Variants in DLC1 observed in about 807,000 individuals in gnomAD.
DLC1 encodes DLC1 Rho GTPase activating protein.
A neutral mutation model predicts 140.3 loss-of-function variants in DLC1; 54 were observed. The ratio of observed to expected loss-of-function variants is 0.38; its 90% CI spans 0.31 to 0.48. The LOEUF is 0.48. Among genes scored for constraint, DLC1 ranks in the 20% least tolerant of loss-of-function variants. The pLI, the probability that DLC1 is intolerant of heterozygous loss-of-function variation, is 0.96. For missense variants in DLC1, 2,536 were observed against 1,907.0 expected (o/e 1.33, Z -6.14); for synonymous variants, 986 against 728.1 (o/e 1.35, Z -5.70).
chr8:13,276,356 G>C, intron 5 of DLC1: 4 of 1,523,218 alleles, frequency 2.6e-6, no homozygotes, highest in Non-Finnish European at 3.5e-6. Flanking sequence ...TCCGGAGAGG[G>C]GCTCGCAGGG....
chr8:13,405,886 TTTC>T (rs1259169390), intron 2 of DLC1, among the ~76,000 whole-genome samples: 3 of 149,838 alleles, frequency 2.0e-5, no homozygotes, highest in Non-Finnish European at 4.5e-5. Context: ...TTTCTTTTCT[TTTC>T]TTTCTTTCTT....
rs529666198 is a variant in DLC1 at position 13,538,080 on chromosome 8, T to A, written c.-125-37884A>T. Among the ~76,000 whole-genome samples the A allele has an allele frequency of 3.3e-5, 5 of 152,276 alleles. No individual in the cohort carries two copies. In the South Asian group the frequency reaches 1.0e-3, roughly 32 times the overall value. On this transcript the variant is annotated intron_variant, in intron 1 of 1. Transcript: ENST00000631382. Reference sequence around the variant, plus strand: ...TAATAAAAATAATTACTAATGCATATTTACTTTGTGTTGAAACTTCACAGC... The same window carrying A: ...TAATAAAAATAATTACTAATGCATAATTACTTTGTGTTGAAACTTCACAGC...
At chr8:13,355,139 T>C (rs1781392915) in intron 4 of DLC1, among the ~76,000 whole-genome samples, 1 of 151,656 alleles carries the variant, frequency 6.6e-6, no homozygotes, top group African/African-American at 2.4e-5. Context: ...TCAAATAGTC[T>C]AAATATTACG....
intron 5 of DLC1, among the ~76,000 whole-genome samples, chr8:13,241,059 A>G (rs1389482281): frequency 1.3e-5 from 2 of 152,218 alleles, no homozygotes; most frequent in Admixed American, 6.5e-5. Context: ...GAAGGGGAGC[A>G]GCTGAGCTTT....
intron 3 of DLC1, among the ~76,000 whole-genome samples, chr8:13,400,598 A>T (rs981730936): frequency 6.6e-6 from 1 of 152,214 alleles, no homozygotes; most frequent in Non-Finnish European, 1.5e-5. Flanking sequence ...AAGAATTTGT[A>T]TCAAATAATT....
chr8:13,456,309 G>C (rs1046588641), intron 2 of DLC1, among the ~76,000 whole-genome samples: 1 of 152,004 alleles, frequency 6.6e-6, no homozygotes, highest in Non-Finnish European at 1.5e-5. Flanking sequence ...ACAGAGTGTT[G>C]GATACCAGCC....
At chr8:13,093,880 G>A (rs1818286885) in intron 12 of DLC1, among the ~76,000 whole-genome samples, 1 of 152,194 alleles carries the variant, frequency 6.6e-6, no homozygotes, top group African/African-American at 2.4e-5. Context: ...GGCTGTAAAA[G>A]CCATAATCCT....
intron 1 of DLC1, among the ~76,000 whole-genome samples, chr8:13,559,668 T>C (rs1389823770): frequency 6.6e-6 from 1 of 152,210 alleles, no homozygotes; most frequent in Non-Finnish European, 1.5e-5. Context: ...AATAATTCTA[T>C]GTAGTAGTTT....
At chr8:13,291,066 C>T (rs184251645) in intron 5 of DLC1, among the ~76,000 whole-genome samples, 2 of 152,286 alleles carry the variant, frequency 1.3e-5, no homozygotes, top group Non-Finnish European at 2.9e-5. Context: ...TGCCACCACG[C>T]CTGGCTAATT....
intron 2 of DLC1, among the ~76,000 whole-genome samples, chr8:13,449,401 G>A (rs1488698273): frequency 6.6e-6 from 1 of 152,280 alleles, no homozygotes; most frequent in East Asian, 1.9e-4. Context: ...CTTTCAAAGA[G>A]GAGATTGTGT....
At chr8:13,558,918 T>C (rs146453378) in intron 1 of DLC1, 8 of 152,316 alleles carry the variant, frequency 5.3e-5, no homozygotes, top group African/African-American at 1.9e-4. Flanking sequence ...AATGATTGGC[T>C]TTAGGGGATG....
intron 4 of DLC1, among the ~76,000 whole-genome samples, chr8:13,372,711 C>A (rs1249747970): frequency 6.6e-6 from 1 of 152,130 alleles, no homozygotes; most frequent in African/African-American, 2.4e-5. Flanking sequence ...TCAAGGCATC[C>A]CATTTAAAAA....
At chr8:13,347,460 G>A (rs1834401039) in intron 4 of DLC1, among the ~76,000 whole-genome samples, 1 of 152,138 alleles carries the variant, frequency 6.6e-6, no homozygotes, top group Non-Finnish European at 1.5e-5. Flanking sequence ...GTGGTGTCGG[G>A]GATGGGGCAT....
At chr8:13,110,248 C>T (rs1819966655) in intron 7 of DLC1, among the ~76,000 whole-genome samples, 1 of 152,172 alleles carries the variant, frequency 6.6e-6, no homozygotes, top group Non-Finnish European at 1.5e-5. Flanking sequence ...CATCATTTAA[C>T]TGTCTGTTGC....
At chr8:13,158,135 T>A (rs1824396195) in intron 5 of DLC1, among the ~76,000 whole-genome samples, 1 of 152,212 alleles carries the variant, frequency 6.6e-6, no homozygotes, top group Non-Finnish European at 1.5e-5. Context: ...TATTGGTTCA[T>A]CTGTGTGTCA....
intron 1 of DLC1, among the ~76,000 whole-genome samples, chr8:13,586,107 G>GCT (rs1384495200): frequency 2.6e-5 from 4 of 152,110 alleles, no homozygotes; most frequent in Non-Finnish European, 5.9e-5. Context: ...CTACTCATGG[G>GCT]CTCTCTCTGC....
intron 5 of DLC1, among the ~76,000 whole-genome samples, chr8:13,230,891 C>G (rs1829019435): frequency 6.6e-6 from 1 of 152,124 alleles, no homozygotes; most frequent in African/African-American, 2.4e-5. Context: ...GCCACTGCAG[C>G]TGGCCCAGAT....
chr8:13,217,843 A>C (rs573908912), intron 5 of DLC1, among the ~76,000 whole-genome samples: 334 of 151,562 alleles, frequency 2.2e-3, no homozygotes, highest in African/African-American at 7.3e-3. Flanking sequence ...ATTTCAAAAA[A>C]AAAACAACAA....
chr8:13,253,613 C>G (rs556011950), intron 5 of DLC1, among the ~76,000 whole-genome samples: 1 of 152,280 alleles, frequency 6.6e-6, no homozygotes, highest in African/African-American at 2.4e-5. Context: ...ACTGAAAAGA[C>G]TTAGTAAATC....
Sources: gnomAD v4.1 joint callset for allele counts (sites outside exome capture counted in the v4.1 genomes callset) on GRCh38, gnomAD v4.1.1 for gene constraint, MANE v1.5 for transcripts, NCBI Gene and HGNC (gene_info 2026-07-23, HGNC 2026-07-21) for gene names.